The following NTRK3 variants were observed in gnomAD, a reference collection of about 807,000 sequenced individuals.
NTRK3 encodes the protein NT-3 growth factor receptor.
NTRK3 carries 24 observed loss-of-function variants against 91.7 expected under a neutral mutation model. That is an observed-to-expected ratio of 0.26 (90% CI 0.19 to 0.37). NTRK3 has a LOEUF of 0.37. Ranked by LOEUF, NTRK3 falls within the 10% of genes least tolerant of loss-of-function variation. NTRK3 has a pLI of 1.00. For missense variants in NTRK3, 880 were observed against 1,068.9 expected (o/e 0.82, Z 2.46); for synonymous variants, 483 against 404.0 (o/e 1.20, Z -2.34).
intron 14 of NTRK3, among the ~76,000 whole-genome samples, chr15:87,961,483 T>G (rs1416440992): frequency 6.6e-6 from 1 of 152,254 alleles, no homozygotes; most frequent in Non-Finnish European, 1.5e-5. Context: ...CTTTCTTAAA[T>G]GAACAAATAT....
chr15:88,098,665 G>A, intron 13 of NTRK3: 1 of 231,758 alleles, frequency 4.3e-6, no homozygotes, highest in Non-Finnish European at 8.5e-6. Context: ...TAACAATCTG[G>A]AAGAAGATGT....
intron 13 of NTRK3, among the ~76,000 whole-genome samples, chr15:88,095,746 G>A (rs780049573): frequency 8.5e-5 from 13 of 152,306 alleles, no homozygotes; most frequent in African/African-American, 1.4e-4. Flanking sequence ...GAGGTAGGGC[G>A]TAAAGGTGAA....
chr15:88,017,658 A>G (rs1181759245), intron 14 of NTRK3, among the ~76,000 whole-genome samples: 3 of 148,614 alleles, frequency 2.0e-5, no homozygotes, highest in Non-Finnish European at 4.5e-5. Flanking sequence ...CACCCCACCC[A>G]GCACATTTTC....
chr15:87,980,741 C>G (rs1020159720), intron 14 of NTRK3, among the ~76,000 whole-genome samples: 2 of 152,140 alleles, frequency 1.3e-5, no homozygotes, highest in Non-Finnish European at 2.9e-5. Context: ...AGTATTGAGT[C>G]ATTTGGGGTG....
chr15:87,879,095 T>C (rs544120709), intron 18 of NTRK3, among the ~76,000 whole-genome samples: 9 of 152,312 alleles, frequency 5.9e-5, no homozygotes, highest in Non-Finnish European at 1.2e-4. Flanking sequence ...CAGGCCCCAC[T>C]GAGCTTGTGA....
At chr15:88,145,368 ATT>A in intron 6 of NTRK3, among the ~76,000 whole-genome samples, 1 of 152,160 alleles carries the variant, frequency 6.6e-6, no homozygotes, top group Admixed American at 6.5e-5. Flanking sequence ...CTCCAATATG[ATT>A]TTTTTCTTAG....
At chr15:87,876,515 G>A (rs2064954607) in exon 19 of NTRK3, 1 of 224,642 alleles carries the variant, frequency 4.5e-6, no homozygotes, top group African/African-American at 2.2e-5. Flanking sequence ...TCTCTGCATG[G>A]TCCAGGTCTT....
chr15:88,025,740 G>A (rs2077981122), intron 14 of NTRK3, among the ~76,000 whole-genome samples: 1 of 152,142 alleles, frequency 6.6e-6, no homozygotes, highest in Non-Finnish European at 1.5e-5. Context: ...GTTGTTTGGG[G>A]CCACCCAACT....
At chr15:87,949,433 T>C (rs2070887747) in intron 14 of NTRK3, among the ~76,000 whole-genome samples, 1 of 150,988 alleles carries the variant, frequency 6.6e-6, no homozygotes, top group Non-Finnish European at 1.5e-5. Context: ...AGGCTAGAGG[T>C]AGCAGTCTAG....
At chr15:87,971,714 A>G (rs1440190931) in intron 14 of NTRK3, among the ~76,000 whole-genome samples, 1 of 152,196 alleles carries the variant, frequency 6.6e-6, no homozygotes, top group Non-Finnish European at 1.5e-5. Flanking sequence ...ACGCTCAAGA[A>G]CCTAGCTGTG....
intron 13 of NTRK3, among the ~76,000 whole-genome samples, chr15:88,038,601 T>C (rs1037477688): frequency 2.6e-5 from 4 of 152,262 alleles, no homozygotes; most frequent in Admixed American, 1.3e-4. Context: ...CTGCGGAGGA[T>C]GCTGATCATG....
At chr15:87,949,091 TA>T (rs1364167021) in intron 14 of NTRK3, among the ~76,000 whole-genome samples, 1 of 151,790 alleles carries the variant, frequency 6.6e-6, no homozygotes, top group Admixed American at 6.6e-5. Context: ...GCAAATAAAT[TA>T]AAACTCCCCC....
chr15:88,049,094 G>C (rs2142258070), intron 13 of NTRK3, among the ~76,000 whole-genome samples: 1 of 152,336 alleles, frequency 6.6e-6, no homozygotes, highest in East Asian at 1.9e-4. Context: ...GTGCCTGATA[G>C]AAGATGCACA....
chr15:88,172,285 G>C (rs1469654901), intron 5 of NTRK3, among the ~76,000 whole-genome samples: 1 of 152,182 alleles, frequency 6.6e-6, no homozygotes, highest in Non-Finnish European at 1.5e-5. Context: ...AGAAATTAAT[G>C]ATGACTCCAA....
In NTRK3 at chr15:87,936,559, G is replaced by A. The variant is rs1383495476; in HGVS notation, c.1717-3375C>T. On this transcript the variant is annotated intron_variant, in intron 15 of 18. Coordinates refer to ENST00000394480, the Ensembl canonical transcript of NTRK3. ...TTACTTTCTTTTTTTTTTTTTTTAG[G>A]GGGAGATATTTCAAAGAATGTTCAG... Among the ~76,000 whole-genome samples the A allele has an allele frequency of 1.0e-4, 15 of 150,486 alleles. No homozygotes were observed. In the South Asian group the frequency reaches 2.9e-3, roughly 29 times the overall value.
At chr15:87,926,197 T>G (rs952988019) in intron 17 of NTRK3, among the ~76,000 whole-genome samples, 19 of 152,204 alleles carry the variant, frequency 1.2e-4, no homozygotes, top group Non-Finnish European at 2.9e-5. Context: ...ATAATAAGAC[T>G]TCAGGGTTCA....
intron 17 of NTRK3, among the ~76,000 whole-genome samples, chr15:87,908,755 C>T (rs372329252): frequency 2.6e-5 from 4 of 152,124 alleles, no homozygotes; most frequent in Non-Finnish European, 4.4e-5. Flanking sequence ...AGCGGAAGAC[C>T]GCAGCAACCC....
rs916482047 is a variant in NTRK3 at position 88,240,593 on chromosome 15, GC to G, written c.248+15312del. Among the ~76,000 whole-genome samples the G allele has an allele frequency of 2.4e-4, 36 of 152,282 alleles. No individual in the cohort carries two copies. Among genetic ancestry groups the G allele is most frequent in the South Asian group, 8.3e-4 (4 of 4,822 alleles). The stretch of plus-strand genomic sequence containing the variant: ...GGAAAGGGGTCTGTAATACAGGGCT[GC>G]CCCCCTGGCTCTGGAGACAAACCTC... On this transcript the variant is annotated intron_variant, in intron 3 of 18. Transcript: ENST00000394480. This position sits in a 1 kb window ranked among gnomAD's most constrained non-coding sequence, Gnocchi z 4.9.
chr15:88,205,060 A>G (rs1343726379), intron 3 of NTRK3, among the ~76,000 whole-genome samples: 2 of 152,176 alleles, frequency 1.3e-5, no homozygotes, highest in Non-Finnish European at 2.9e-5. Flanking sequence ...CATTCTCAGG[A>G]GTGCTGAGAA....
Sources: gnomAD v4.1 joint callset for allele counts (sites outside exome capture counted in the v4.1 genomes callset) on GRCh38, gnomAD v4.1.1 for gene constraint, Gnocchi (gnomAD v3.1) non-coding constraint, MANE v1.5 for transcripts, NCBI Gene and HGNC (gene_info 2026-07-23, HGNC 2026-07-21) for gene names.